The following ZFX variants were observed in gnomAD, a reference collection of about 807,000 sequenced individuals.
ZFX encodes zinc finger X-chromosomal protein.
For missense variants in ZFX, 362 were observed against 628.3 expected (o/e 0.58, Z 4.53); for synonymous variants, 196 against 226.8 (o/e 0.86, Z 1.22).
At chrX:24,197,187 A>G (rs1207554871) in intron 5 of ZFX, among the ~76,000 whole-genome samples, 1 of 111,679 alleles carries the variant, frequency 9.0e-6, no homozygotes, top group Admixed American at 9.6e-5. Flanking sequence ...AACTTGAGAC[A>G]GGCCAGGTGT....
chrX:24,167,665 T>C (rs1303193045), intron 3 of ZFX, among the ~76,000 whole-genome samples: 1 of 112,062 alleles, frequency 8.9e-6, no homozygotes, highest in Non-Finnish European at 1.9e-5. Flanking sequence ...GGGGTGGAGA[T>C]CAAATTAGCT....
At chrX:24,161,861 G>T (rs1239906867) in intron 3 of ZFX, 1 of 106,717 alleles carries the variant, frequency 9.4e-6, no homozygotes, top group Non-Finnish European at 1.9e-5. Context: ...CCCCATGTCT[G>T]CCTAGCTTTT....
chrX:24,199,302 C>T (rs1384133893), intron 5 of ZFX, among the ~76,000 whole-genome samples: 3 of 109,413 alleles, frequency 2.7e-5, no homozygotes, highest in African/African-American at 3.3e-5. Flanking sequence ...TCACCCAGGC[C>T]GAAGTGCAGT....
At position 24,177,765 on chromosome X, in the gene ZFX, G is replaced by A. The variant is rs147482716; in HGVS notation, c.59-1418G>A. 285 of 751,006 alleles carry A rather than the reference G, an allele frequency of 3.8e-4. No homozygotes were observed. The African/African-American group carries it at 5.5e-3, about 15-fold the overall frequency. The allele number at this position is 751,006 out of a possible 1,213,427, so 61.9% of individuals were successfully genotyped here. A position where few individuals can be genotyped will look rare whatever the true frequency, so the allele number is the denominator to read the frequency against. ...ATTGCACCAGAACAAAAAGGGAAGCGTGTGAAGGGAGAAAGGAAAAAAAAT... is the reference window on the plus strand; with the variant it reads ...ATTGCACCAGAACAAAAAGGGAAGCATGTGAAGGGAGAAAGGAAAAAAAAT... On this transcript the variant is annotated intron_variant, in intron 4 of 9. Coordinates refer to ENST00000304543, the MANE Select transcript of ZFX (RefSeq NM_003410.4).
intron 5 of ZFX, among the ~76,000 whole-genome samples, chrX:24,194,811 A>G (rs1936790823): frequency 9.8e-6 from 1 of 102,085 alleles, no homozygotes; most frequent in Non-Finnish European, 2.0e-5. Flanking sequence ...CAGTGGTGCT[A>G]TCTCGGGTTA....
At chrX:24,168,671 CT>C (rs141296315) in intron 3 of ZFX, among the ~76,000 whole-genome samples, 9,911 of 82,950 alleles carry the variant, frequency 0.12, 871 homozygotes, top group African/African-American at 0.32. Context: ...TTCTTTCTTT[CT>C]TTTTTTTTTT....
At chrX:24,180,642 C>T (rs1027590813) in intron 5 of ZFX, among the ~76,000 whole-genome samples, 1 of 111,674 alleles carries the variant, frequency 9.0e-6, no homozygotes, top group African/African-American at 3.3e-5. Context: ...CTTGGCCTTC[C>T]AAAGTGGGAG....
chrX:24,149,335 C>CG (rs1383646949), upstream of ZFX: 20 of 109,788 alleles, frequency 1.8e-4, no homozygotes, highest in African/African-American at 6.6e-4. Context: ...TGCCTCTCCG[C>CG]GGGGTCGGCC....
rs186404217 is a variant in ZFX at position 24,177,183 on chromosome X, C to T, written c.59-2000C>T. 6.8e-3 allele frequency among the ~76,000 whole-genome samples: 760 copies of T among 111,235 alleles called. 8 individuals are homozygous for T. The highest frequency in any genetic ancestry group is 0.023 in the African/African-American group (713 of 30,646). On this transcript the variant is annotated intron_variant, in intron 4 of 9. Transcript: ENST00000304543. ...TCCTGACCTCGGGATCTGCCCACTT[C>T]GGCCTCCCAAAGTGCTGGGATTACA...
chrX:24,167,636 A>C (rs1358934982), intron 3 of ZFX, among the ~76,000 whole-genome samples: 1 of 112,357 alleles, frequency 8.9e-6, no homozygotes, highest in Non-Finnish European at 1.9e-5. Flanking sequence ...ATGAACTTTT[A>C]AAGAAAAATT....
chrX:24,176,007 T>C (rs771185863), intron 4 of ZFX, among the ~76,000 whole-genome samples: 16 of 111,508 alleles, frequency 1.4e-4, no homozygotes, highest in Non-Finnish European at 2.4e-4. Flanking sequence ...AAGCATTTTG[T>C]AGAAATTCTG....
Position 24,210,386 on chromosome X carries a change from G to A in ZFX, c.1428G>A (p.Glu476=), listed in dbSNP as rs778178895. 11 of 1,210,445 alleles carry A rather than the reference G, an allele frequency of 9.1e-6. No individual in the cohort carries two copies. The African/African-American group carries it at 1.7e-4, about 19-fold the overall frequency. The stretch of plus-strand genomic sequence containing the variant: ...AGATAAGTTTACACAACCACCTGGA[G>A]AGCCACAAGCTGACCAGCAAGGCAG... ...NKKISLHNHL[E]SHKLTSKAEK... The change falls in exon 10 of 10, where the codon GAG becomes GAA. Residue 476 remains glutamate, a synonymous_variant. Transcript: ENST00000304543.
chrX:24,157,373 T>C (rs1057089584), intron 3 of ZFX, among the ~76,000 whole-genome samples: 4 of 111,896 alleles, frequency 3.6e-5, no homozygotes, highest in African/African-American at 1.3e-4. Context: ...GGTACACTTT[T>C]CCCCCCTACA....
rs146395555 is a variant in ZFX at position 24,187,756 on chromosome X, A to C, written c.646+7986A>C. Among the ~76,000 whole-genome samples the C allele has an allele frequency of 9.1e-3, 1,019 of 111,973 alleles. 10 individuals are homozygous for C. Among genetic ancestry groups the C allele is most frequent in the African/African-American group, 0.031 (951 of 30,811 alleles). ...AGCTGCGAACCTCACTAGGGGTTGG[A>C]GATAAACAGCAAAGTCCCTGGCTTT... On this transcript the variant is annotated intron_variant, in intron 5 of 9. Transcript: ENST00000304543.
chrX:24,172,794 G>A lies in ZFX; in HGVS notation c.52G>A (p.Ala18Thr). 1 of 1,201,138 alleles carries A rather than the reference G, an allele frequency of 8.3e-7. No homozygotes were observed. The highest frequency in any genetic ancestry group is 2.3e-5 in the Admixed American group (1 of 43,636). ...LQQEPNSFFD[A>T]TGADGTHMDG... The stretch of plus-strand genomic sequence containing the variant: ...ACAAGAGCCAAACTCATTTTTTGAT[G>A]CAACAGGTATAACTACTTGAATTGT... Residue 18 changes from alanine to threonine, a missense_variant, in exon 4 of 10, where the codon GCA becomes ACA. Transcript: ENST00000304543.
chrX:24,159,543 C>T (rs926395439), intron 3 of ZFX, among the ~76,000 whole-genome samples: 4 of 111,048 alleles, frequency 3.6e-5, no homozygotes, highest in East Asian at 2.8e-4. Context: ...GGCACGATCT[C>T]GGCTCACTGC....
At chrX:24,177,548 C>G in intron 4 of ZFX, 1 of 251,985 alleles carries the variant, frequency 4.0e-6, no homozygotes, top group Non-Finnish European at 5.5e-6. Context: ...TACTCTCAAC[C>G]TCCACCACTC....
chrX:24,186,675 T>C (rs1237290662), intron 5 of ZFX, among the ~76,000 whole-genome samples: 1 of 111,358 alleles, frequency 9.0e-6, no homozygotes, highest in Non-Finnish European at 1.9e-5. Flanking sequence ...TAAATGATGA[T>C]GAAGCAGTCC....
chrX:24,181,659 G>A (rs1252947998), intron 5 of ZFX, among the ~76,000 whole-genome samples: 1 of 111,904 alleles, frequency 8.9e-6, no homozygotes, highest in African/African-American at 3.2e-5. Flanking sequence ...ATCAAAGGGT[G>A]TACACATTTA....
Sources: allele counts gnomAD v4.1 joint callset (sites outside exome capture counted in the v4.1 genomes callset), GRCh38; gene constraint gnomAD v4.1.1; transcripts MANE v1.5; gene names NCBI Gene and HGNC (gene_info 2026-07-23, HGNC 2026-07-21).